C3AR1: variants seen among roughly 807,000 people sequenced by gnomAD.
C3AR1 encodes the protein complement C3a receptor 1, also known as C3a anaphylatoxin chemotactic receptor.
For missense variants in C3AR1, 579 were observed against 583.5 expected, an observed-to-expected ratio of 0.99 and a Z score of 0.08; for synonymous variants, 208 against 225.3, an observed-to-expected ratio of 0.92 and a Z score of 0.69.
chr12:8,061,555 C>T (rs1327098125), intron 1 of C3AR1, among the ~76,000 whole-genome samples: 3 of 152,010 alleles, frequency 2.0e-5, no homozygotes, highest in East Asian at 1.9e-4. Flanking sequence ...CTCTGCCTCC[C>T]GGGTTCAAGC....
chr12:8,060,805 T>C (rs1182767198), intron 1 of C3AR1, among the ~76,000 whole-genome samples: 1 of 152,222 alleles, frequency 6.6e-6, no homozygotes, highest in African/African-American at 2.4e-5. Context: ...GTACTTTCAA[T>C]CTTGGTTTTT....
rs753375963 is a variant in C3AR1 at position 8,059,598 on chromosome 12, A to G, written c.588T>C (p.Ser196=). Residue 196 remains serine (S), a synonymous_variant, in exon 2 of 2, where the codon TCT becomes TCC. Coordinates refer to ENST00000307637, the MANE Select transcript of C3AR1 (RefSeq NM_004054.4). ...CAGGCGGCTGAACAATGTTTTCAAG[A>G]GACCTGTTTTCTAGTGGATCTCCAT... The part of the protein sequence containing the change: ...DFYGDPLENR[S]LENIVQPPGE... The G allele has an allele frequency of 6.2e-7, 1 of 1,614,158 alleles. No homozygotes were observed. Among genetic ancestry groups the G allele is most frequent in the South Asian group, 1.1e-5 (1 of 91,072 alleles).
intron 1 of C3AR1, among the ~76,000 whole-genome samples, chr12:8,062,882 C>T (rs1431204120): frequency 6.6e-6 from 1 of 150,556 alleles, no homozygotes; most frequent in Admixed American, 6.6e-5. Flanking sequence ...CTCCCGACCT[C>T]AGGCGATCCG....
chr12:8,058,838 T>C lies in C3AR1; in HGVS notation c.1348A>G (p.Ile450Val), dbSNP rs1947225581. Residue 450 changes from isoleucine (I) to valine (V), a missense_variant, in exon 2 of 2, where the codon ATT (isoleucine) becomes GTT (valine). Coordinates refer to ENST00000307637, the MANE Select transcript of C3AR1 (RefSeq NM_004054.4). ...AAGGCTGCCTCCAGAATTCCCTGAA[T>C]GGACTGCCTTGCTTTCTTCCTAAAA... ...KDFRKKARQS[I>V]QGILEAAFSE... 3 of 1,614,182 alleles carry C rather than the reference T, an allele frequency of 1.9e-6. No homozygotes were observed. The highest frequency in any genetic ancestry group is 2.5e-6 in the Non-Finnish European group (3 of 1,180,036).
In C3AR1 at chr12:8,059,584, A is replaced by G. The variant is rs759430234; in HGVS notation, c.602T>C (p.Val201Ala). 13 of 1,614,222 alleles carry G rather than the reference A, an allele frequency of 8.1e-6. No individual in the cohort carries two copies. The highest frequency in any genetic ancestry group is 1.7e-5 in the Admixed American group (1 of 60,022). Residue 201 changes from valine (V) to alanine (A), a missense_variant, in exon 2 of 2, where the codon GTT becomes GCT. Transcript: ENST00000307637. ...PLENRSLENI[V>A]QPPGEMNDRL... ...ATCATTCATTTCTCCAGGCGGCTGA[A>G]CAATGTTTTCAAGAGACCTGTTTTC...
At position 8,060,179 on chromosome 12, in the gene C3AR1, A is replaced by G; in HGVS notation, c.7T>C (p.Ser3Pro). The G allele has an allele frequency of 6.3e-7, 1 of 1,584,250 alleles. No homozygotes were observed. The highest frequency in any genetic ancestry group is 8.6e-7 in the Non-Finnish European group (1 of 1,164,140). The change falls in exon 2 of 2, where the codon TCT becomes CCT. Residue 3 changes from serine to proline, a missense_variant. By Grantham distance (74) the Ser-to-Pro change is moderately conservative. Transcript: ENST00000307637. MA[S>P]FSAETNSTDL... The stretch of plus-strand genomic sequence containing the variant: ...GTTGAATTGGTCTCAGCAGAGAAAG[A>G]CGCCATTGCTAAACTTCTGCAAAAA...
At position 8,057,422 on chromosome 12, in the gene C3AR1, G is replaced by A. The variant is rs982107628; in HGVS notation, c.*1315C>T. Reference sequence around the variant, plus strand: ...TCTTCATCTTTCAAAACAAGAAGTCGTTTTATCATGCCTCCAGAAAAGAGC... The same window carrying A: ...TCTTCATCTTTCAAAACAAGAAGTCATTTTATCATGCCTCCAGAAAAGAGC... On this transcript the variant is annotated 3_prime_UTR_variant, in exon 2 of 2. Transcript: ENST00000307637. Among the ~76,000 whole-genome samples the A allele has an allele frequency of 7.2e-5, 11 of 152,090 alleles. No homozygotes were observed. Among genetic ancestry groups the A allele is most frequent in the South Asian group, 2.1e-4 (1 of 4,834 alleles).
intron 1 of C3AR1, among the ~76,000 whole-genome samples, chr12:8,064,705 A>C (rs1202227045): frequency 6.6e-6 from 1 of 151,940 alleles, no homozygotes. Flanking sequence ...AAAAAAAAGA[A>C]GAAGAAATTA....
Position 8,057,615 on chromosome 12 carries a change from A to G in C3AR1, c.*1122T>C, listed in dbSNP as rs1256980916. ...TACCTTATTAAATTATTTTAAAACT[A>G]TGTGCATGTATTACTTTGGCAAAGA... On this transcript the variant is annotated 3_prime_UTR_variant, in exon 2 of 2. Transcript: ENST00000307637. 6.6e-6 allele frequency among the ~76,000 whole-genome samples: 1 copy of G among 152,186 alleles called. No individual in the cohort carries two copies. Among genetic ancestry groups the G allele is most frequent in the African/African-American group, 2.4e-5 (1 of 41,440 alleles).
In C3AR1 at chr12:8,058,724, C is replaced by A; in HGVS notation, c.*13G>T. ...TTGCCTAAGAGCCCCTGCTTGTTGG[C>A]TGCTCCACATTTTCACACAGTTGTA... On this transcript the variant is annotated 3_prime_UTR_variant, in exon 2 of 2. Transcript: ENST00000307637. 1 of 1,583,418 alleles carries A rather than the reference C, an allele frequency of 6.3e-7. No individual in the cohort carries two copies.
rs762488984 is a variant in C3AR1 at position 8,059,783 on chromosome 12, T to G, written c.403A>C (p.Asn135His). ...FKPIWCQNHR[N>H]VGMACSICGC... is the part of the protein sequence containing the mutation. ...CAGATAGAGCAGGCCATCCCTACAT[T>G]GCGATGATTCTGACACCAGATTGGC... Residue 135 changes from asparagine (N) to histidine (H), a missense_variant, in exon 2 of 2, where the codon AAT becomes CAT. Asn to His is a moderately conservative substitution (Grantham distance 68, BLOSUM62 1). Transcript: ENST00000307637. 6.2e-7 allele frequency: 1 copy of G among 1,613,870 alleles called. No homozygotes were observed. The highest frequency in any genetic ancestry group is 2.2e-5 in the East Asian group (1 of 44,862).
Position 8,060,107 on chromosome 12 carries a change from T to C in C3AR1, c.79A>G (p.Met27Val), listed in dbSNP as rs774502132. Reference protein sequence around the residue: ...PWNEPPVILSMVILSLTFLLG... With the variant: ...PWNEPPVILSVVILSLTFLLG... ...AAAAAAGTAAGGCTGAGAATGACCA[T>C]GGAGAGAATTACTGGGGGCTCATTC... is the stretch of plus-strand genomic sequence containing the variant. The change falls in exon 2 of 2, where the codon ATG becomes GTG. Residue 27 changes from methionine (M) to valine (V), a missense_variant. Met to Val is a conservative substitution (Grantham distance 21). Coordinates refer to ENST00000307637, the MANE Select transcript of C3AR1 (RefSeq NM_004054.4). 1.9e-6 allele frequency: 3 copies of C among 1,614,076 alleles called. No individual in the cohort carries two copies. The highest frequency in any genetic ancestry group is 2.5e-6 in the Non-Finnish European group (3 of 1,179,956).
Position 8,059,799 on chromosome 12 carries a change from C to A in C3AR1, c.387G>T (p.Trp129Cys). ...DRCLVVFKPI[W>C]CQNHRNVGMA... ...TCCCTACATTGCGATGATTCTGACA[C>A]CAGATTGGCTTGAATACCACAAGAC... Residue 129 changes from tryptophan (W) to cysteine (C), a missense_variant, in exon 2 of 2, where the codon TGG (tryptophan) becomes TGT (cysteine). Transcript: ENST00000307637. 6.2e-7 allele frequency: 1 copy of A among 1,614,092 alleles called. No individual in the cohort carries two copies. Among genetic ancestry groups the A allele is most frequent in the Non-Finnish European group, 8.5e-7 (1 of 1,180,002 alleles).
rs1358677989 is a variant in C3AR1, at chr12:8,066,338, G to T, written c.-71C>A. 1 of 152,200 alleles carries T rather than the reference G, an allele frequency of 6.6e-6. No individual in the cohort carries two copies. The allele number at this position is 152,200 out of a possible 1,614,324, so 9.4% of individuals were successfully genotyped here. A position where few individuals can be genotyped will look rare whatever the true frequency, so the allele number is the denominator to read the frequency against. On this transcript the variant is annotated 5_prime_UTR_variant, in exon 1 of 2. Transcript: ENST00000307637. ...CTGGATGTCTCCACGAGTCCTGTCT[G>T]GTCCCCACACTTAGCCACAGTGAAG...
chr12:8,059,346 G>A lies in C3AR1; in HGVS notation c.840C>T (p.Thr280=), dbSNP rs766193327. 6.2e-7 allele frequency: 1 copy of A among 1,614,174 alleles called. No homozygotes were observed. The highest frequency in any genetic ancestry group is 1.6e-4 in the Middle Eastern group (1 of 6,062). Residue 280 remains threonine (T), a synonymous_variant, in exon 2 of 2, where the codon ACC becomes ACT. Coordinates refer to ENST00000307637, the MANE Select transcript of C3AR1 (RefSeq NM_004054.4). ...AAGCATCAGAGTTATCCAGTGGGCT[G>A]GTTTCGTGATCTTCAATAGGAAACC... is the stretch of plus-strand genomic sequence containing the variant. ...PSGFPIEDHE[T]SPLDNSDAFL...
At chr12:8,063,162 T>G (rs1947294523) in intron 1 of C3AR1, among the ~76,000 whole-genome samples, 2 of 150,068 alleles carry the variant, frequency 1.3e-5, no homozygotes, top group Admixed American at 6.7e-5. Flanking sequence ...TTCACCATGT[T>G]AGCCAGGATG....
rs188861215 is a variant in C3AR1, at chr12:8,059,194, G to A, written c.992C>T (p.Thr331Ile). The part of the protein sequence containing the change: ...GQFTDDDQVP[T>I]PLVAITITRL... ...AGTGATCGTTATTGCCACGAGGGGT[G>A]TTGGCACTTGATCGTCATCTGTGAA... The change falls in exon 2 of 2, where the codon ACA becomes ATA. Residue 331 changes from threonine (T) to isoleucine (I), a missense_variant. By Grantham distance (89) the Thr-to-Ile change is moderately conservative (BLOSUM62 -1). Coordinates refer to ENST00000307637, the MANE Select transcript of C3AR1 (RefSeq NM_004054.4). 51 of 1,614,114 alleles carry A rather than the reference G, an allele frequency of 3.2e-5. No individual in the cohort carries two copies. In the Middle Eastern group the frequency reaches 6.6e-4, roughly 21 times the overall value.
chr12:8,060,319 G>C (rs977973062), intron 1 of C3AR1, 124 bp from the exon 2 acceptor site: 6 of 745,534 alleles, frequency 8.0e-6, no homozygotes, highest in Admixed American at 2.9e-5. Flanking sequence ...TCCTCACGCT[G>C]TTTTAGTTTG....
In C3AR1 at chr12:8,059,601, C is replaced by A. The variant is rs1178471418; in HGVS notation, c.585G>T (p.Arg195Ser). The A allele has an allele frequency of 6.2e-7, 1 of 1,613,972 alleles. No homozygotes were observed. The highest frequency in any genetic ancestry group is 8.5e-7 in the Non-Finnish European group (1 of 1,180,014). ...PDFYGDPLEN[R>S]SLENIVQPPG... Reference sequence around the variant, plus strand: ...GCGGCTGAACAATGTTTTCAAGAGACCTGTTTTCTAGTGGATCTCCATAAA... The same window carrying A: ...GCGGCTGAACAATGTTTTCAAGAGAACTGTTTTCTAGTGGATCTCCATAAA... Residue 195 changes from arginine (R) to serine (S), a missense_variant, in exon 2 of 2, where the codon AGG becomes AGT. Physicochemically the swap from Arg to Ser is moderately radical, Grantham distance 110 (BLOSUM62 -1). Transcript: ENST00000307637.
Sources: allele counts gnomAD v4.1 joint callset (sites outside exome capture counted in the v4.1 genomes callset), GRCh38; gene constraint gnomAD v4.1.1; transcripts MANE v1.5; gene names NCBI Gene and HGNC (gene_info 2026-07-23, HGNC 2026-07-21).